The following ANKRD30B variants were observed in gnomAD, a reference collection of about 807,000 sequenced individuals.
ANKRD30B encodes the protein ankyrin repeat domain 30B, also known as ankyrin repeat domain-containing protein 30B.
ANKRD30B carries 144 observed loss-of-function variants against 202.2 expected under a neutral mutation model. The observed-to-expected ratio is 0.71, with a 90% CI of 0.62 to 0.82. The LOEUF (loss-of-function observed/expected upper bound fraction) is 0.82, where lower values mean the gene tolerates loss of function less well. Among genes scored for constraint, ANKRD30B ranks in the 40% least tolerant of loss-of-function variants. The pLI is 0.00. For missense variants in ANKRD30B, 1,487 were observed against 1,669.1 expected (o/e 0.89, Z 1.90); for synonymous variants, 508 against 561.3 (o/e 0.91, Z 1.34).
At chr18:14,861,763 A>G in the ANKRD30B span, among the ~76,000 whole-genome samples, 5,700 of 152,254 alleles carry the variant, frequency 0.037, 348 homozygotes, top group African/African-American at 0.13. Flanking sequence ...TGTGGACTCA[A>G]ACTGGGCTCT....
chr18:14,925,750 A>G, the ANKRD30B span, among the ~76,000 whole-genome samples: 12 of 152,260 alleles, frequency 7.9e-5, no homozygotes, highest in South Asian at 2.1e-3. Flanking sequence ...CAGTGCAGGA[A>G]TCAGAGCTCC....
the ANKRD30B span, among the ~76,000 whole-genome samples, chr18:14,933,386 A>C: frequency 6.6e-6 from 1 of 152,190 alleles, no homozygotes. Context: ...TCAAGGGGAC[A>C]GCAGCAGGCC....
intron 9 of ANKRD30B, among the ~76,000 whole-genome samples, chr18:14,773,549 A>T (rs2143810120): frequency 6.6e-6 from 1 of 152,344 alleles, no homozygotes; most frequent in African/African-American, 2.4e-5. Context: ...ATATGTCTCA[A>T]ATAAGAAGAC....
At chr18:14,876,190 G>A in the ANKRD30B span, among the ~76,000 whole-genome samples, 3 of 152,002 alleles carry the variant, frequency 2.0e-5, no homozygotes, top group Admixed American at 6.5e-5. Context: ...CGGGCTTGGG[G>A]TCTGGAGTTT....
At chr18:14,878,876 AG>A in the ANKRD30B span, among the ~76,000 whole-genome samples, 1 of 152,178 alleles carries the variant, frequency 6.6e-6, no homozygotes, top group Non-Finnish European at 1.5e-5. Flanking sequence ...CCAGCAATAG[AG>A]GGCATTCAGG....
At chr18:14,882,029 T>A in the ANKRD30B span, among the ~76,000 whole-genome samples, 2 of 152,214 alleles carry the variant, frequency 1.3e-5, no homozygotes, top group Non-Finnish European at 2.9e-5. Flanking sequence ...GGTCTATCGA[T>A]TTTATTTATC....
At chr18:14,884,253 G>A in the ANKRD30B span, among the ~76,000 whole-genome samples, 2 of 146,404 alleles carry the variant, frequency 1.4e-5, no homozygotes, top group African/African-American at 5.0e-5. Context: ...AGGTCCATGT[G>A]GTAAGGAAGT....
At chr18:14,916,548 C>G in the ANKRD30B span, among the ~76,000 whole-genome samples, 1 of 152,292 alleles carries the variant, frequency 6.6e-6, no homozygotes, top group African/African-American at 2.4e-5. Context: ...GTATTCCCCA[C>G]TAGGAGCTGT....
At chr18:14,753,162 A>C in intron 3 of ANKRD30B, 150 bp downstream of exon 3, 1 of 632,590 alleles carries the variant, frequency 1.6e-6, no homozygotes, top group Non-Finnish European at 2.4e-6. Flanking sequence ...AACCTTAAAT[A>C]TTAATTTTTT....
chr18:14,852,929 T>G (rs879247851), intron 42 of ANKRD30B, among the ~76,000 whole-genome samples: 10 of 152,182 alleles, frequency 6.6e-5, no homozygotes, highest in Admixed American at 6.5e-4. Flanking sequence ...ATATATTTTA[T>G]TTGGTAGAAT....
chr18:14,837,271 G>C lies in ANKRD30B; in HGVS notation c.2908G>C (p.Ala970Pro). Residue 970 changes from alanine (A) to proline (P), a missense_variant, in exon 35 of 44, where the codon GCT becomes CCT. Coordinates refer to ENST00000690538, the MANE Select transcript of ANKRD30B (RefSeq NM_001367607.2). ...ACGTGATATTGGCATTATTGAACGA[G>C]CTCCACAAGATCAAACAAGTAATGA... ...QERDIGIIER[A>P]PQDQTNKMPT... 6.5e-7 allele frequency: 1 copy of C among 1,548,184 alleles called. No homozygotes were observed. Among genetic ancestry groups the C allele is most frequent in the Non-Finnish European group, 8.7e-7 (1 of 1,145,324 alleles).
rs376172332 is a variant in ANKRD30B, at chr18:14,791,447, C to T, written c.1781C>T (p.Ala594Val). 3.3e-5 allele frequency: 53 copies of T among 1,610,926 alleles called. No individual in the cohort carries two copies. Among genetic ancestry groups the T allele is most frequent in the South Asian group, 8.8e-5 (8 of 90,524 alleles). The change falls in exon 16 of 44, where the codon GCT (alanine) becomes GTT (valine). Residue 594 changes from alanine (A) to valine (V), a missense_variant. Ala to Val is a moderately conservative substitution (Grantham distance 64). This residue lies in a region of ANKRD30B where 889 missense variants were observed against 841.4 expected (regional missense o/e 1.06). Transcript: ENST00000690538. ...CAGAAGGATGTGTATTTACCCAAAG[C>T]TACACATCAAAAAGAATTCGATACC... ...VSQKDVYLPK[A>V]THQKEFDTLS...
At chr18:14,921,037 C>G in the ANKRD30B span, among the ~76,000 whole-genome samples, 1 of 152,116 alleles carries the variant, frequency 6.6e-6, no homozygotes, top group South Asian at 2.1e-4. Flanking sequence ...AGGTCTTTGT[C>G]TGGAAAGAGC....
In ANKRD30B at chr18:14,748,344, G is replaced by T. The variant is rs1912800033; in HGVS notation, c.-76G>T. The stretch of plus-strand genomic sequence containing the variant: ...GCGGGTGCTGGGGAAGGGTAAGCGG[G>T]AAGCGAGGGCGAGGGGTAGGGGCTG... On this transcript the variant is annotated 5_prime_UTR_variant, in exon 1 of 44. Coordinates refer to ENST00000690538, the MANE Select transcript of ANKRD30B (RefSeq NM_001367607.2). 7.8e-7 allele frequency: 1 copy of T among 1,274,154 alleles called. No homozygotes were observed. The highest frequency in any genetic ancestry group is 1.5e-5 in the African/African-American group (1 of 65,678). 78.9% of individuals were successfully genotyped at this position (1,274,154 alleles called of 1,614,324 possible).
chr18:14,848,726 C>G lies in ANKRD30B; in HGVS notation c.3192C>G (p.Thr1064=). Residue 1064 remains threonine (T), a synonymous_variant, in exon 40 of 44, where the codon ACC becomes ACG. Coordinates refer to ENST00000690538, the MANE Select transcript of ANKRD30B (RefSeq NM_001367607.2). The part of the protein sequence containing the change: ...NKQTLRADST[T]LSKILDALPS... ...TCCTCCTTGAGACAGATTCAACTAC[C>G]CTATCAAAAATCTTGGATGCACTTC... 6.5e-7 allele frequency: 1 copy of G among 1,539,846 alleles called. No homozygotes were observed. The highest frequency in any genetic ancestry group is 8.7e-7 in the Non-Finnish European group (1 of 1,144,556).
At chr18:14,852,490 C>A in intron 42 of ANKRD30B, 70 bp downstream of exon 42, 1 of 1,464,628 alleles carries the variant, frequency 6.8e-7, no homozygotes. Flanking sequence ...AATGCTGAAT[C>A]TAGTTGAATA....
Position 14,791,472 on chromosome 18 carries a change from C to T in ANKRD30B, c.1806C>T (p.Thr602=), listed in dbSNP as rs748913744. 13 of 1,608,310 alleles carry T rather than the reference C, an allele frequency of 8.1e-6. No individual in the cohort carries two copies. The highest frequency in any genetic ancestry group is 2.2e-5 in the South Asian group (2 of 90,004). ...PKATHQKEFD[T]LSGKLEESPV... is the part of the protein sequence containing the mutation. ...CTACACATCAAAAAGAATTCGATAC[C>T]TTAAGTGGAAAATTAGAAGGTAAGA... is the stretch of plus-strand genomic sequence containing the variant. Residue 602 remains threonine (T), a synonymous_variant, in exon 16 of 44, where the codon ACC becomes ACT. Coordinates refer to ENST00000690538, the MANE Select transcript of ANKRD30B (RefSeq NM_001367607.2).
chr18:14,823,710 A>T (rs1228191063), intron 32 of ANKRD30B, among the ~76,000 whole-genome samples: 8 of 152,220 alleles, frequency 5.3e-5, no homozygotes, highest in Admixed American at 1.3e-4. Flanking sequence ...ATGGTGGCAC[A>T]TGCCTGTAAT....
At chr18:14,854,166 T>C (rs1971997417) in intron 43 of ANKRD30B, among the ~76,000 whole-genome samples, 26 bp from the exon 44 acceptor site, 1 of 152,152 alleles carries the variant, frequency 6.6e-6, no homozygotes, top group Middle Eastern at 3.4e-3. Context: ...GCTATCATTC[T>C]GCAATGTTTT....
Sources: gnomAD v4.1 joint callset for allele counts (sites outside exome capture counted in the v4.1 genomes callset) on GRCh38, gnomAD v4.1.1 for gene constraint, gnomAD v4.1.1 regional missense constraint, MANE v1.5 for transcripts, NCBI Gene and HGNC (gene_info 2026-07-23, HGNC 2026-07-21) for gene names.